ZCRB1: variants seen among roughly 807,000 people sequenced by gnomAD.
The protein encoded by ZCRB1 is zinc finger CCHC-type and RNA-binding motif-containing protein 1.
ZCRB1 carries 21 observed loss-of-function variants against 29.9 expected under a neutral mutation model. That is an observed-to-expected ratio of 0.70 (90% CI 0.50 to 1.01). The LOEUF is 1.01. Among genes scored for constraint, ZCRB1 ranks in the 50% least tolerant of loss-of-function variants. ZCRB1 has a pLI of 0.00. For missense variants in ZCRB1, 204 were observed against 253.3 expected, an observed-to-expected ratio of 0.81 and a Z score of 1.32; for synonymous variants, 77 against 80.0, an observed-to-expected ratio of 0.96 and a Z score of 0.20.
At chr12:42,315,476 G>C (rs1243643316) in intron 5 of ZCRB1, among the ~76,000 whole-genome samples, 1 of 151,950 alleles carries the variant, frequency 6.6e-6, no homozygotes, top group Non-Finnish European at 1.5e-5. Flanking sequence ...AGAAAATAGA[G>C]ACACATATCT....
At chr12:42,320,950 TC>T (rs1465496966) in intron 3 of ZCRB1, among the ~76,000 whole-genome samples, 2 of 152,190 alleles carry the variant, frequency 1.3e-5, no homozygotes, top group Non-Finnish European at 2.9e-5. Context: ...TTGTGCTTTC[TC>T]CCCCTTACTC....
Position 42,313,702 on chromosome 12 carries a change from G to A in ZCRB1, c.510C>T (p.Ala170=). Residue 170 remains alanine (A), a synonymous_variant, in exon 7 of 8, where the codon GCC becomes GCT. Coordinates refer to ENST00000266529, the MANE Select transcript of ZCRB1 (RefSeq NM_033114.4). The stretch of plus-strand genomic sequence containing the variant: ...AACAATTTAATACCTGGAATGCTAT[G>A]GCCTGACTGAGGCTGTCAAGAGCAG... ...EDPALDSLSQ[A]IAFQQAKIEE... 6.2e-7 allele frequency: 1 copy of A among 1,613,688 alleles called. No homozygotes were observed. The highest frequency in any genetic ancestry group is 8.5e-7 in the Non-Finnish European group (1 of 1,179,838).
intron 3 of ZCRB1, among the ~76,000 whole-genome samples, chr12:42,321,846 G>A (rs772135474): frequency 5.3e-5 from 8 of 152,018 alleles, no homozygotes; most frequent in East Asian, 3.8e-4. Context: ...AGTGAAATAC[G>A]AGAAGTTCAA....
intron 7 of ZCRB1, 106 bp downstream of exon 7, chr12:42,313,584 G>A (rs1195514852): frequency 2.5e-6 from 3 of 1,221,572 alleles, no homozygotes; most frequent in South Asian, 2.8e-5. Flanking sequence ...GGCTTAGGAG[G>A]TTAGGGGGAA....
chr12:42,322,950 T>A (rs1197704406), intron 2 of ZCRB1, among the ~76,000 whole-genome samples: 1 of 152,228 alleles, frequency 6.6e-6, no homozygotes, highest in Non-Finnish European at 1.5e-5. Flanking sequence ...TAAGCTTTTA[T>A]AATGAAAAAT....
At chr12:42,317,547 G>A (rs2068600769) in intron 4 of ZCRB1, 100 bp from the exon 5 acceptor site, 3 of 1,078,682 alleles carry the variant, frequency 2.8e-6, no homozygotes, top group African/African-American at 3.2e-5. Flanking sequence ...GTTTATTTTG[G>A]ATTTTTTAGC....
rs763804816 is a variant in ZCRB1 at position 42,313,679 on chromosome 12, CAATTT to C, written c.522+6_522+10del. ...TATTGTATGATGCCTTTTAAAAGAA[CAATTT>C]AATACCTGGAATGCTATGGCCTGAC... is the stretch of plus-strand genomic sequence containing the variant. On this transcript the variant is annotated splice_donor_region_variant and intron_variant, in intron 7 of 7. Coordinates refer to ENST00000266529, the MANE Select transcript of ZCRB1 (RefSeq NM_033114.4). 5 of 1,611,190 alleles carry C rather than the reference CAATTT, an allele frequency of 3.1e-6. No individual in the cohort carries two copies. The South Asian group carries it at 4.4e-5, about 14-fold the overall frequency.
chr12:42,313,490 G>A (rs548328308), intron 7 of ZCRB1, among the ~76,000 whole-genome samples, 200 bp downstream of exon 7: 28 of 152,210 alleles, frequency 1.8e-4, no homozygotes, highest in Non-Finnish European at 4.0e-4. Context: ...TAAGTGTTGT[G>A]GGGCCCTTAA....
chr12:42,319,228 T>C (rs1175995991), intron 3 of ZCRB1, among the ~76,000 whole-genome samples: 1 of 152,212 alleles, frequency 6.6e-6, no homozygotes, highest in Non-Finnish European at 1.5e-5. Context: ...GCTTTTTTCT[T>C]GTCCATAGGG....
At position 42,312,276 on chromosome 12, in the gene ZCRB1, C is replaced by T. The variant is rs1391411972; in HGVS notation, c.*791G>A. ...CTCTAATCCCATTACCATATACCCA[C>T]CTGCAGACAGAATGGGAAGATTTAG... On this transcript the variant is annotated 3_prime_UTR_variant, in exon 8 of 8. Transcript: ENST00000266529. 1 of 152,008 alleles carries T rather than the reference C, an allele frequency of 6.6e-6. No homozygotes were observed. Among genetic ancestry groups the T allele is most frequent in the Non-Finnish European group, 1.5e-5 (1 of 68,012 alleles). 9.4% of individuals were successfully genotyped at this position (152,008 alleles called of 1,614,324 possible).
intron 3 of ZCRB1, among the ~76,000 whole-genome samples, chr12:42,320,310 T>G (rs893105035): frequency 1.3e-5 from 2 of 152,190 alleles, no homozygotes; most frequent in African/African-American, 4.8e-5. Flanking sequence ...ATTACCCACT[T>G]TATTTCATAA....
At chr12:42,318,023 G>T in intron 3 of ZCRB1, 125 bp from the exon 4 acceptor site, 1 of 715,934 alleles carries the variant, frequency 1.4e-6, no homozygotes, top group Non-Finnish European at 2.2e-6. Context: ...TGAAAAATCA[G>T]CTATCTCTTC....
chr12:42,312,603 G>A lies in ZCRB1; in HGVS notation c.*464C>T, dbSNP rs1271431436. 1 of 152,112 alleles carries A rather than the reference G, an allele frequency of 6.6e-6. No individual in the cohort carries two copies. The allele number at this position is 152,112 out of a possible 1,614,324, so 9.4% of individuals were successfully genotyped here. A position where few individuals can be genotyped will look rare whatever the true frequency, so the allele number is the denominator to read the frequency against. On this transcript the variant is annotated 3_prime_UTR_variant, in exon 8 of 8. Transcript: ENST00000266529. ...AGTTTCTTCTAGGGAATGGAATTTG[G>A]TGCTATGGGTAGGGCAGACAAATAA...
At chr12:42,318,413 G>C (rs182913359) in intron 3 of ZCRB1, among the ~76,000 whole-genome samples, 39 of 152,218 alleles carry the variant, frequency 2.6e-4, no homozygotes, top group African/African-American at 8.7e-4. Context: ...GAGGATGCTT[G>C]AGCATGGGAG....
At position 42,323,685 on chromosome 12, in the gene ZCRB1, G is replaced by A. The variant is rs553895718; in HGVS notation, c.84+334C>T. On this transcript the variant is annotated intron_variant, in intron 2 of 7. Transcript: ENST00000266529. The stretch of plus-strand genomic sequence containing the variant: ...CTCATTCTGTCACCCAGGCTGGAGT[G>A]CAGTGGTGTGACCTTGGCTCACTGT... 1.2e-4 allele frequency: 27 copies of A among 222,790 alleles called. No individual in the cohort carries two copies. The South Asian group carries it at 3.0e-3, about 24-fold the overall frequency. 13.8% of individuals were successfully genotyped at this position (222,790 alleles called of 1,614,324 possible). A position where few individuals can be genotyped will look rare whatever the true frequency, so the allele number is the denominator to read the frequency against.
intron 5 of ZCRB1, among the ~76,000 whole-genome samples, chr12:42,315,920 T>A (rs1330528858): frequency 6.6e-6 from 1 of 152,020 alleles, no homozygotes; most frequent in African/African-American, 2.4e-5. Context: ...CATCAGTCTG[T>A]TTATTTAGTT....
chr12:42,321,113 A>G (rs1038970553), intron 3 of ZCRB1, among the ~76,000 whole-genome samples: 1 of 152,000 alleles, frequency 6.6e-6, no homozygotes, highest in Non-Finnish European at 1.5e-5. Flanking sequence ...TTAGGTTTCC[A>G]CTCAAAAAAT....
At chr12:42,323,369 T>A (rs1012701718) in intron 2 of ZCRB1, among the ~76,000 whole-genome samples, 1 of 152,124 alleles carries the variant, frequency 6.6e-6, no homozygotes, top group Non-Finnish European at 1.5e-5. Flanking sequence ...TACCTAAGAT[T>A]ACCCCTCTTT....
chr12:42,315,202 G>A (rs1027443342), intron 5 of ZCRB1, among the ~76,000 whole-genome samples: 1 of 152,152 alleles, frequency 6.6e-6, no homozygotes, highest in African/African-American at 2.4e-5. Flanking sequence ...TGACAATGCT[G>A]GACTAGGCTA....
Sources: allele counts gnomAD v4.1 joint callset (sites outside exome capture counted in the v4.1 genomes callset), GRCh38; gene constraint gnomAD v4.1.1; transcripts MANE v1.5; gene names NCBI Gene and HGNC (gene_info 2026-07-23, HGNC 2026-07-21).